Variants in VTI1A observed in about 807,000 individuals in gnomAD.
VTI1A encodes vesicle transport through interaction with t-SNAREs 1A.
VTI1A carries 22 observed loss-of-function variants against 34.9 expected under a neutral mutation model. That is an observed-to-expected ratio of 0.63 (90% CI 0.45 to 0.90). The LOEUF (loss-of-function observed/expected upper bound fraction) is 0.90. VTI1A is among the 40% of genes least tolerant of loss of function. The pLI is 0.00. For missense variants in VTI1A, 268 were observed against 275.6 expected (o/e 0.97, Z 0.20); for synonymous variants, 87 against 97.3 (o/e 0.89, Z 0.62).
intron 7 of VTI1A, among the ~76,000 whole-genome samples, chr10:112,812,036 A>C (rs1046833681): frequency 6.6e-6 from 1 of 152,230 alleles, no homozygotes; most frequent in Non-Finnish European, 1.5e-5. Flanking sequence ...CAGCACTGTG[A>C]TTCATAATGT....
intron 7 of VTI1A, among the ~76,000 whole-genome samples, chr10:112,678,127 C>G (rs185255879): frequency 5.1e-4 from 77 of 152,258 alleles, no homozygotes; most frequent in African/African-American, 1.8e-3. Context: ...ATATTTTTCT[C>G]CATTATTTAA....
At chr10:112,794,276 G>T (rs914236171) in intron 7 of VTI1A, among the ~76,000 whole-genome samples, 12 of 152,104 alleles carry the variant, frequency 7.9e-5, no homozygotes, top group African/African-American at 2.9e-4. Flanking sequence ...CATGATCCTG[G>T]CCAGGCGCAT....
At chr10:112,727,963 C>T (rs1850101309) in intron 7 of VTI1A, among the ~76,000 whole-genome samples, 1 of 152,136 alleles carries the variant, frequency 6.6e-6, no homozygotes, top group South Asian at 2.1e-4. Flanking sequence ...GGGGTTTAAT[C>T]CCAACCTCAC....
chr10:112,625,648 A>AAAAAAAAAAAAAAAG (rs1845895439), intron 5 of VTI1A, among the ~76,000 whole-genome samples: 1 of 150,912 alleles, frequency 6.6e-6, no homozygotes, highest in African/African-American at 2.4e-5. Flanking sequence ...CTCAAAAAAA[A>AAAAAAAAAAAAAAAG]AAAAGGAAAA....
chr10:112,841,478 C>T, the VTI1A span, among the ~76,000 whole-genome samples: 3 of 152,124 alleles, frequency 2.0e-5, no homozygotes, highest in Non-Finnish European at 4.4e-5. Context: ...AAAGAAATTA[C>T]CCTTGATTGA....
intron 5 of VTI1A, among the ~76,000 whole-genome samples, chr10:112,597,466 C>T (rs1326525263): frequency 6.6e-6 from 1 of 152,162 alleles, no homozygotes; most frequent in Non-Finnish European, 1.5e-5. Flanking sequence ...GATCTGCCTG[C>T]CTCAGCCTCC....
rs551873460 is a variant in VTI1A, at chr10:112,730,995, C to A, written c.560+61997C>A. 3.3e-5 allele frequency among the ~76,000 whole-genome samples: 5 copies of A among 151,964 alleles called. No homozygotes were observed. In the East Asian group the frequency reaches 9.7e-4, roughly 29 times the overall value. On this transcript the variant is annotated intron_variant, in intron 7 of 7. Coordinates refer to ENST00000393077, the MANE Select transcript of VTI1A (RefSeq NM_145206.4). Reference sequence around the variant, plus strand: ...ATTAGTCTGGGTAATATATAATTTCCATTTGATTATATATATTAAAGTGAT... The same window carrying A: ...ATTAGTCTGGGTAATATATAATTTCAATTTGATTATATATATTAAAGTGAT...
chr10:112,634,825 A>T (rs1004763643), intron 5 of VTI1A, among the ~76,000 whole-genome samples: 2 of 152,052 alleles, frequency 1.3e-5, no homozygotes, highest in South Asian at 4.1e-4. Flanking sequence ...GCCTTCTTAC[A>T]CTGTTTTGTC....
Position 112,673,468 on chromosome 10 carries a change from G to GCGCACACACACA in VTI1A, c.560+4471_560+4472insGCACACACACAC, listed in dbSNP as rs1554938762. 9.8e-3 allele frequency among the ~76,000 whole-genome samples: 1,490 copies of GCGCACACACACA among 151,654 alleles called. 17 individuals are homozygous for GCGCACACACACA. The highest frequency in any genetic ancestry group is 0.039 in the South Asian group (187 of 4,790). On this transcript the variant is annotated intron_variant, in intron 7 of 7. Coordinates refer to ENST00000393077, the MANE Select transcript of VTI1A (RefSeq NM_145206.4). The stretch of plus-strand genomic sequence containing the variant: ...TTCACACACATGCGCGCGTGCGCGC[G>GCGCACACACACA]CACACACACACACACGCACTCAGAT...
chr10:112,736,476 G>A (rs1026238710), intron 7 of VTI1A, among the ~76,000 whole-genome samples: 1 of 152,128 alleles, frequency 6.6e-6, no homozygotes, highest in African/African-American at 2.4e-5. Flanking sequence ...ATGGGTAGGT[G>A]GGTGGGTGGA....
the VTI1A span, among the ~76,000 whole-genome samples, chr10:112,855,131 C>T: frequency 1.6e-4 from 25 of 151,976 alleles, 1 homozygote; most frequent in African/African-American, 2.4e-4. Context: ...AAGCTCGACC[C>T]GGGATGGGAA....
intron 5 of VTI1A, among the ~76,000 whole-genome samples, chr10:112,632,636 G>A (rs1443688860): frequency 6.6e-6 from 1 of 152,146 alleles, no homozygotes; most frequent in Non-Finnish European, 1.5e-5. Context: ...CCAAAGTTGA[G>A]GTACATCACT....
chr10:112,814,605 T>C (rs1220808958), intron 7 of VTI1A, among the ~76,000 whole-genome samples: 10 of 151,906 alleles, frequency 6.6e-5, no homozygotes, highest in African/African-American at 2.4e-4. Flanking sequence ...CCCAGGGAGG[T>C]AGAATCCCTG....
chr10:112,785,037 G>A (rs1412790031), intron 7 of VTI1A, among the ~76,000 whole-genome samples: 1 of 152,206 alleles, frequency 6.6e-6, no homozygotes, highest in African/African-American at 2.4e-5. Context: ...GGCCCCCGTT[G>A]GCTGTGGATT....
At chr10:112,673,082 C>T (rs1847906257) in intron 7 of VTI1A, among the ~76,000 whole-genome samples, 1 of 151,844 alleles carries the variant, frequency 6.6e-6, no homozygotes. Context: ...TTTGGGAGAC[C>T]GAGGCAGGCA....
At position 112,621,469 on chromosome 10, in the gene VTI1A, A is replaced by C. The variant is rs553102799; in HGVS notation, c.428-46749A>C. On this transcript the variant is annotated intron_variant, in intron 5 of 7. Transcript: ENST00000393077. Reference sequence around the variant, plus strand: ...TTTATGTAAGTTTTTCATAGTCCCCATACCATCCTTATCAGGTACACATTA... The same window carrying C: ...TTTATGTAAGTTTTTCATAGTCCCCCTACCATCCTTATCAGGTACACATTA... Among the ~76,000 whole-genome samples the C allele has an allele frequency of 5.0e-3, 757 of 152,286 alleles. 6 individuals carry two copies. Among genetic ancestry groups the C allele is most frequent in the Non-Finnish European group, 8.8e-3 (600 of 68,022 alleles).
At chr10:112,474,282 T>G (rs888508745) in intron 3 of VTI1A, among the ~76,000 whole-genome samples, 8 of 152,104 alleles carry the variant, frequency 5.3e-5, no homozygotes, top group African/African-American at 1.9e-4. Flanking sequence ...CTCGATCTCC[T>G]GACCTTGTGA....
chr10:112,827,369 G>A, the VTI1A span: 2 of 151,990 alleles, frequency 1.3e-5, no homozygotes, highest in South Asian at 2.1e-4. Context: ...GGTGGGGATG[G>A]GAGAAGTCAC....
At chr10:112,810,311 G>C (rs931532166) in intron 7 of VTI1A, among the ~76,000 whole-genome samples, 1 of 149,616 alleles carries the variant, frequency 6.7e-6, no homozygotes. Context: ...GCTGAGGCAC[G>C]AGAATCACTT....
Sources: gnomAD v4.1 joint callset for allele counts (sites outside exome capture counted in the v4.1 genomes callset) on GRCh38, gnomAD v4.1.1 for gene constraint, MANE v1.5 for transcripts, NCBI Gene and HGNC (gene_info 2026-07-23, HGNC 2026-07-21) for gene names.